Variants in PLCG2 observed in about 807,000 individuals in gnomAD.
The protein encoded by PLCG2 is 1-phosphatidylinositol 4,5-bisphosphate phosphodiesterase gamma-2.
PLCG2 carries 69 observed loss-of-function variants against 175.6 expected under a neutral mutation model. The observed-to-expected ratio is 0.39, with a 90% CI of 0.32 to 0.48. The LOEUF (loss-of-function observed/expected upper bound fraction) is 0.48, where lower values mean the gene tolerates loss of function less well. Ranked by LOEUF, PLCG2 falls within the 20% of genes least tolerant of loss-of-function variation. The probability of loss-of-function intolerance (pLI) is 0.91; values close to 1 mark genes in which losing one functional copy is unlikely to be tolerated. For synonymous variants in PLCG2, 827 were observed against 624.0 expected (o/e 1.33, Z -4.85); for missense variants, 1,798 against 1,650.9 (o/e 1.09, Z -1.54).
At chr16:81,918,909 T>TAAA (rs1181641516) in intron 19 of PLCG2, among the ~76,000 whole-genome samples, 8 of 150,764 alleles carry the variant, frequency 5.3e-5, no homozygotes, top group African/African-American at 1.5e-4. Flanking sequence ...TTTTTTTTTT[T>TAAA]AAAAAAAGTC....
chr16:81,796,998 G>C (rs1911499657), intron 2 of PLCG2, among the ~76,000 whole-genome samples: 1 of 152,210 alleles, frequency 6.6e-6, no homozygotes, highest in South Asian at 2.1e-4. Flanking sequence ...CTATGGATGG[G>C]TTGTGGTTTG....
At chr16:81,822,453 G>C (rs1333522626) in intron 2 of PLCG2, among the ~76,000 whole-genome samples, 1 of 152,040 alleles carries the variant, frequency 6.6e-6, no homozygotes, top group African/African-American at 2.4e-5. Context: ...GTGTTCACAG[G>C]GTCCTTTTAA....
At chr16:81,935,800 T>C in intron 26 of PLCG2, 1 of 985,416 alleles carries the variant, frequency 1.0e-6, no homozygotes. Context: ...GTCTGTGGTC[T>C]CTCTGGATCT....
upstream of PLCG2, among the ~76,000 whole-genome samples, chr16:81,778,035 A>AC (rs1164270758): frequency 6.1e-4 from 52 of 85,404 alleles, 1 homozygote; most frequent in Non-Finnish European, 8.7e-4. Flanking sequence ...AAAAAAACAA[A>AC]AAAAAAACAA....
chr16:81,853,030 T>C (rs4889412), intron 2 of PLCG2, among the ~76,000 whole-genome samples: 10,001 of 152,232 alleles, frequency 0.066, 387 homozygotes, highest in Middle Eastern at 0.095. Context: ...TACCAGGCCT[T>C]CTTAAGTATT....
rs1468914125 is a variant in PLCG2, at chr16:81,923,908, TAACCAAATCTTC to T, written c.2417+328_2417+339del. ...TGCTAATTGCTTTCCATGCATTGTC[TAACCAAATCTTC>T]AACCAAATCTTCATTACTCCCTGTG... On this transcript the variant is annotated intron_variant, in intron 22 of 32. Transcript: ENST00000564138. Among the ~76,000 whole-genome samples the T allele has an allele frequency of 4.6e-5, 7 of 152,348 alleles. No individual in the cohort carries two copies. The South Asian group carries it at 1.4e-3, about 32-fold the overall frequency.
At chr16:81,813,832 C>T (rs944299075) in intron 2 of PLCG2, among the ~76,000 whole-genome samples, 1 of 152,210 alleles carries the variant, frequency 6.6e-6, no homozygotes, top group Non-Finnish European at 1.5e-5. Flanking sequence ...CTAGTCTTCT[C>T]TGTGATGGCT....
intron 2 of PLCG2, among the ~76,000 whole-genome samples, chr16:81,822,747 G>A (rs1004167738): frequency 2.0e-5 from 2 of 99,658 alleles, no homozygotes; most frequent in Admixed American, 1.6e-4. Context: ...GGAGACAAGA[G>A]CGAGACTCCA....
At chr16:81,769,086 C>A (rs535277956) in intron 2 of PLCG2, among the ~76,000 whole-genome samples, 37 of 152,280 alleles carry the variant, frequency 2.4e-4, no homozygotes, top group African/African-American at 8.7e-4. Context: ...TTCTTGACTG[C>A]ATGAATGAGG....
At chr16:81,941,797 A>T (rs537719678) in intron 30 of PLCG2, among the ~76,000 whole-genome samples, 4 of 151,416 alleles carry the variant, frequency 2.6e-5, no homozygotes, top group Admixed American at 1.3e-4. Context: ...CAGCCTCCTC[A>T]GTAGCTGGGA....
intron 8 of PLCG2, among the ~76,000 whole-genome samples, chr16:81,881,535 G>A: frequency 6.6e-6 from 1 of 152,224 alleles, no homozygotes; most frequent in East Asian, 1.9e-4. Context: ...TGGAGTTAAT[G>A]GTCTGGGGTA....
rs73598710 is a variant in PLCG2 at position 81,934,489 on chromosome 16, G to C, written c.2800G>C (p.Val934Leu). 1 of 1,613,598 alleles carries C rather than the reference G, an allele frequency of 6.2e-7. No homozygotes were observed. The highest frequency in any genetic ancestry group is 2.2e-5 in the East Asian group (1 of 44,866). ...CATCGCCATCGAGCTCTCTGACCTGGTTGTCTACTGCAAACCAACCAGCAA... is the reference window on the plus strand; with the variant it reads ...CATCGCCATCGAGCTCTCTGACCTGCTTGTCTACTGCAAACCAACCAGCAA... The part of the protein sequence containing the change: ...QSIAIELSDL[V>L]VYCKPTSKTK... Residue 934 changes from valine (V) to leucine (L), a missense_variant, in exon 26 of 33, where the codon GTT (valine) becomes CTT (leucine). By Grantham distance (32) the Val-to-Leu change is conservative. Transcript: ENST00000564138.
intron 3 of PLCG2, among the ~76,000 whole-genome samples, chr16:81,857,535 G>C (rs1210983837): frequency 6.6e-6 from 1 of 152,040 alleles, no homozygotes; most frequent in Non-Finnish European, 1.5e-5. Context: ...GTTGAGTTCT[G>C]GTGAGGGCTC....
At chr16:81,830,758 G>A (rs1380134575) in intron 2 of PLCG2, among the ~76,000 whole-genome samples, 2 of 151,864 alleles carry the variant, frequency 1.3e-5, no homozygotes, top group African/African-American at 4.8e-5. Context: ...TGACTCCAGA[G>A]GACCCTGGAG....
chr16:81,940,700 C>A (rs774879022), intron 30 of PLCG2, among the ~76,000 whole-genome samples: 2 of 146,870 alleles, frequency 1.4e-5, no homozygotes, highest in Non-Finnish European at 3.0e-5. Flanking sequence ...ATGACTGAGC[C>A]CTTCCTACAC....
intron 24 of PLCG2, among the ~76,000 whole-genome samples, chr16:81,929,403 T>A (rs756967774): frequency 6.6e-6 from 1 of 152,180 alleles, no homozygotes; most frequent in Admixed American, 6.5e-5. Flanking sequence ...CATTTATTAT[T>A]ATTTCTTTTC....
intron 14 of PLCG2, among the ~76,000 whole-genome samples, chr16:81,901,166 A>G (rs975962252): frequency 1.3e-5 from 2 of 152,162 alleles, no homozygotes; most frequent in African/African-American, 4.8e-5. Flanking sequence ...GCCCCATGCG[A>G]GGTGCTGGAG....
intron 2 of PLCG2, among the ~76,000 whole-genome samples, chr16:81,841,238 T>G (rs1905812619): frequency 6.6e-6 from 1 of 150,764 alleles, no homozygotes; most frequent in Admixed American, 6.6e-5. Context: ...ATTTATTTAT[T>G]TATTTATTTA....
intron 1 of PLCG2, among the ~76,000 whole-genome samples, chr16:81,754,972 C>T (rs574443766): frequency 6.6e-6 from 1 of 152,240 alleles, no homozygotes; most frequent in South Asian, 2.1e-4. Flanking sequence ...AGAGGAAGAA[C>T]CAGCTGTGTG....
Sources: allele counts gnomAD v4.1 joint callset (sites outside exome capture counted in the v4.1 genomes callset), GRCh38; gene constraint gnomAD v4.1.1; transcripts MANE v1.5; gene names NCBI Gene and HGNC (gene_info 2026-07-23, HGNC 2026-07-21).